POU1F1: variants seen among roughly 807,000 people sequenced by gnomAD.
The protein encoded by POU1F1 is pituitary-specific positive transcription factor 1.
Under a neutral mutation model 32.3 loss-of-function variants are expected in POU1F1, and 23 were observed. That is an observed-to-expected ratio of 0.71 (90% CI 0.51 to 1.01). The LOEUF (loss-of-function observed/expected upper bound fraction) is 1.01. Ranked by LOEUF, POU1F1 falls within the 50% of genes least tolerant of loss-of-function variation. The pLI is 0.00. For missense variants in POU1F1, 323 were observed against 341.6 expected (o/e 0.95, Z 0.43); for synonymous variants, 120 against 115.6 (o/e 1.04, Z -0.25).
In POU1F1 at chr3:87,276,561, G is replaced by T; in HGVS notation, c.-99C>A. On this transcript the variant is annotated 5_prime_UTR_variant, in exon 1 of 6. An upstream open reading frame in the 5' UTR gains an earlier in-frame stop. Transcript: ENST00000350375. ...AGGGCCGATTCAATTCTCACTACCT[G>T]CATATATACATCAGGAAGGCTCTGA... 1 of 1,382,030 alleles carries T rather than the reference G, an allele frequency of 7.2e-7. No individual in the cohort carries two copies. The highest frequency in any genetic ancestry group is 1.0e-6 in the Non-Finnish European group (1 of 997,380). The allele number at this position is 1,382,030 out of a possible 1,614,324, so 85.6% of individuals were successfully genotyped here. A position where few individuals can be genotyped will look rare whatever the true frequency, so the allele number is the denominator to read the frequency against.
chr3:87,262,141 G>A lies in POU1F1; in HGVS notation c.534C>T (p.Leu178=). Residue 178 remains leucine (L), a synonymous_variant, in exon 4 of 6, where the codon CTC becomes CTT. Coordinates refer to ENST00000350375, the MANE Select transcript of POU1F1 (RefSeq NM_000306.4). Reference sequence around the variant, plus strand: ...TCAGTTTGCATGCATTTTTAAAGCTGAGCTGCAGATTTTCAAATCGGCAGA... The same window carrying A: ...TCAGTTTGCATGCATTTTTAAAGCTAAGCTGCAGATTTTCAAATCGGCAGA... ...TTICRFENLQ[L]SFKNACKLKA... 6.2e-7 allele frequency: 1 copy of A among 1,614,068 alleles called. No homozygotes were observed. Among genetic ancestry groups the A allele is most frequent in the Non-Finnish European group, 8.5e-7 (1 of 1,179,988 alleles).
chr3:87,261,998 A>G, intron 4 of POU1F1, 73 bp downstream of exon 4: 1 of 1,568,998 alleles, frequency 6.4e-7, no homozygotes, highest in Non-Finnish European at 8.8e-7. Context: ...CTGCTTTAGC[A>G]TTAATCCTAC....
chr3:87,266,207 A>C (rs1706617678), intron 2 of POU1F1, among the ~76,000 whole-genome samples: 1 of 147,422 alleles, frequency 6.8e-6, no homozygotes, highest in Admixed American at 6.8e-5. Context: ...GTAATCATAA[A>C]TATGTAGTTA....
At chr3:87,274,730 C>T (rs1393054263) in intron 1 of POU1F1, among the ~76,000 whole-genome samples, 2 of 151,376 alleles carry the variant, frequency 1.3e-5, no homozygotes, top group Non-Finnish European at 3.0e-5. Context: ...GTTCCTTAGA[C>T]AATTAGATGT....
chr3:87,271,149 A>C (rs1363950778), intron 2 of POU1F1, among the ~76,000 whole-genome samples: 38 of 152,104 alleles, frequency 2.5e-4, no homozygotes. Context: ...AGGCTCTTCC[A>C]GGGGTCTTTA....
intron 3 of POU1F1, among the ~76,000 whole-genome samples, chr3:87,262,450 TTTATC>T (rs1227568101): frequency 3.3e-5 from 5 of 152,186 alleles, no homozygotes; most frequent in African/African-American, 1.2e-4. Flanking sequence ...ATAAATTACT[TTTATC>T]TAGTCACTGA....
intron 3 of POU1F1, among the ~76,000 whole-genome samples, chr3:87,262,489 C>T (rs1289029039): frequency 6.6e-6 from 1 of 152,044 alleles, no homozygotes; most frequent in Non-Finnish European, 1.5e-5. Context: ...GAAACATCTG[C>T]CATTCATAAT....
chr3:87,264,753 C>T lies in POU1F1; in HGVS notation c.215-241G>A, dbSNP rs118119440. Among the ~76,000 whole-genome samples, 675 of 152,204 alleles carry T rather than the reference C, an allele frequency of 4.4e-3. 32 individuals are homozygous for T. The East Asian group carries it at 0.12, about 26-fold the overall frequency. On this transcript the variant is annotated intron_variant, in intron 2 of 5. Coordinates refer to ENST00000350375, the MANE Select transcript of POU1F1 (RefSeq NM_000306.4). Reference sequence around the variant, plus strand: ...CAAAGATAGGGTTAAAGGAAAGAAGCAGGGGACTGCAAATAACTAAAATAG... The same window carrying T: ...CAAAGATAGGGTTAAAGGAAAGAAGTAGGGGACTGCAAATAACTAAAATAG...
chr3:87,276,196 TAAGAC>T (rs1706822130), intron 1 of POU1F1, 120 bp downstream of exon 1: 2 of 1,269,038 alleles, frequency 1.6e-6, no homozygotes, highest in Non-Finnish European at 1.1e-6. Flanking sequence ...TTACTTCACT[TAAGAC>T]AAATTAAATT....
chr3:87,261,966 G>A (rs1014475078), intron 4 of POU1F1, 105 bp downstream of exon 4: 75 of 1,357,786 alleles, frequency 5.5e-5, no homozygotes, highest in African/African-American at 2.6e-4. Flanking sequence ...GAGAAAAGGC[G>A]GAAAAAAACC....
chr3:87,274,614 T>C (rs72550817), intron 1 of POU1F1, among the ~76,000 whole-genome samples: 1 of 151,576 alleles, frequency 6.6e-6, no homozygotes, highest in Non-Finnish European at 1.5e-5. Context: ...TTTTGCAATA[T>C]AATGATTACA....
In POU1F1 at chr3:87,259,788, G is replaced by T; in HGVS notation, c.*106C>A. ...GTGGAAAAGTAAAGCTTCTGTAAAAGCTATTGATATAAAATGATTTTAAGT... is the reference window on the plus strand; with the variant it reads ...GTGGAAAAGTAAAGCTTCTGTAAAATCTATTGATATAAAATGATTTTAAGT... On this transcript the variant is annotated 3_prime_UTR_variant, in exon 6 of 6. Coordinates refer to ENST00000350375, the MANE Select transcript of POU1F1 (RefSeq NM_000306.4). The T allele has an allele frequency of 5.5e-6, 5 of 916,590 alleles. No homozygotes were observed. Among genetic ancestry groups the T allele is most frequent in the Non-Finnish European group, 8.5e-6 (5 of 589,322 alleles). The allele number at this position is 916,590 out of a possible 1,614,324, so 56.8% of individuals were successfully genotyped here. A position where few individuals can be genotyped will look rare whatever the true frequency, so the allele number is the denominator to read the frequency against.
In POU1F1 at chr3:87,260,112, G is replaced by A. The variant is rs182127067; in HGVS notation, c.666-8C>T. ...GCATCTTTAGCAGCAATGCTGGCGG[G>A]GGGTGGACATAGGGGGTGAAATTTT... On this transcript the variant is annotated splice_region_variant and splice_polypyrimidine_tract_variant and intron_variant, in intron 5 of 5. Transcript: ENST00000350375. 6.8e-6 allele frequency: 11 copies of A among 1,611,520 alleles called. No homozygotes were observed. In the South Asian group the frequency reaches 7.7e-5, roughly 11 times the overall value.
rs886058914 is a variant in POU1F1, at chr3:87,262,219, A to G, written c.456T>C (p.Asn152=). 1.9e-6 allele frequency: 3 copies of G among 1,613,924 alleles called. No individual in the cohort carries two copies. In the East Asian group the frequency reaches 6.7e-5, roughly 36 times the overall value. ...GCACAGCTGCCAGGGCCTCCCCAAC[A>G]TTTGTCTGGGTGTATCCTGTGAAGG... ...RRIKLGYTQT[N]VGEALAAVHG... Residue 152 remains asparagine (N), a synonymous_variant, in exon 4 of 6, where the codon AAT becomes AAC. Coordinates refer to ENST00000350375, the MANE Select transcript of POU1F1 (RefSeq NM_000306.4).
rs368569904 is a variant in POU1F1, at chr3:87,259,861, G to A, written c.*33C>T. The A allele has an allele frequency of 1.9e-5, 30 of 1,551,776 alleles. No homozygotes were observed. In the Admixed American group the frequency reaches 2.8e-4, roughly 15 times the overall value. ...GTTGAGGAAGAGAAAGGAATGAAAC[G>A]GGAGAAAAAGGCTATTATACAATAG... On this transcript the variant is annotated 3_prime_UTR_variant, in exon 6 of 6. Coordinates refer to ENST00000350375, the MANE Select transcript of POU1F1 (RefSeq NM_000306.4).
At chr3:87,262,564 A>G (rs1364796960) in intron 3 of POU1F1, among the ~76,000 whole-genome samples, 1 of 152,044 alleles carries the variant, frequency 6.6e-6, no homozygotes, top group Non-Finnish European at 1.5e-5. Context: ...TGGCTTTTTT[A>G]TCATTATTGT....
At chr3:87,272,472 C>T (rs936870719) in intron 2 of POU1F1, among the ~76,000 whole-genome samples, 1 of 152,086 alleles carries the variant, frequency 6.6e-6, no homozygotes, top group Non-Finnish European at 1.5e-5. Flanking sequence ...AAATGAAAAT[C>T]CTGCGCATAA....
chr3:87,267,167 A>T (rs1036500998), intron 2 of POU1F1, among the ~76,000 whole-genome samples: 13 of 152,128 alleles, frequency 8.5e-5, no homozygotes, highest in Non-Finnish European at 1.6e-4. Context: ...TCTCTTGCTG[A>T]TCATAATTAT....
chr3:87,275,954 A>G (rs1405223078), intron 1 of POU1F1, among the ~76,000 whole-genome samples: 2 of 152,166 alleles, frequency 1.3e-5, no homozygotes, highest in Non-Finnish European at 2.9e-5. Flanking sequence ...ATAAAGAAGT[A>G]GCACCTTTTA....
Sources: gnomAD v4.1 joint callset for allele counts (sites outside exome capture counted in the v4.1 genomes callset) on GRCh38, gnomAD v4.1.1 for gene constraint, MANE v1.5 for transcripts, NCBI Gene and HGNC (gene_info 2026-07-23, HGNC 2026-07-21) for gene names.